Variants in ARMH4 observed in about 807,000 individuals in gnomAD.
The protein encoded by ARMH4 is armadillo like helical domain containing 4.
ARMH4 carries 49 observed loss-of-function variants against 61.9 expected under a neutral mutation model. The observed-to-expected ratio is 0.79, with a 90% CI of 0.63 to 1.00. The LOEUF is 1.00. Among genes scored for constraint, ARMH4 ranks in the 50% least tolerant of loss-of-function variants. The pLI is 0.00. For synonymous variants in ARMH4, 368 were observed against 341.5 expected (o/e 1.08, Z -0.85); for missense variants, 934 against 930.0 (o/e 1.00, Z -0.06).
intron 5 of ARMH4, among the ~76,000 whole-genome samples, chr14:58,054,883 A>AT (rs1555338496): frequency 0.013 from 1,756 of 138,434 alleles, 35 homozygotes; most frequent in Middle Eastern, 0.066. Flanking sequence ...AAAAAAAAAA[A>AT]AATAATAATA....
At chr14:58,039,881 G>A (rs996355776) in intron 5 of ARMH4, among the ~76,000 whole-genome samples, 7 of 152,098 alleles carry the variant, frequency 4.6e-5, no homozygotes, top group African/African-American at 9.7e-5. Flanking sequence ...CAGGAATCAC[G>A]ACAAGTAAAT....
chr14:58,017,276 T>C lies in ARMH4; in HGVS notation c.2090-5126A>G, dbSNP rs190107286. Among the ~76,000 whole-genome samples the C allele has an allele frequency of 2.9e-3, 440 of 152,306 alleles. 1 individual carries two copies. Among genetic ancestry groups the C allele is most frequent in the Non-Finnish European group, 4.5e-3 (307 of 68,034 alleles). ...CTGCGGTGAGCTGTGTTCATGCCAC[T>C]GCACTCCACCCTTGGCAACAGACCA... On this transcript the variant is annotated intron_variant, in intron 5 of 7. Transcript: ENST00000267485.
chr14:58,029,909 T>A (rs929021241), intron 5 of ARMH4, among the ~76,000 whole-genome samples: 1 of 152,176 alleles, frequency 6.6e-6, no homozygotes, highest in Non-Finnish European at 1.5e-5. Context: ...TACACGAATG[T>A]TCATAGCAAC....
chr14:58,083,359 C>G (rs1885287192), intron 5 of ARMH4, among the ~76,000 whole-genome samples: 1 of 152,214 alleles, frequency 6.6e-6, no homozygotes, highest in East Asian at 1.9e-4. Flanking sequence ...GCAGGTAGAT[C>G]ACTTGAGGCC....
chr14:58,046,897 C>A (rs1449508531), intron 5 of ARMH4, among the ~76,000 whole-genome samples: 2 of 152,158 alleles, frequency 1.3e-5, no homozygotes, highest in Admixed American at 1.3e-4. Context: ...ATCCTGATAG[C>A]TCTTTTATAT....
At chr14:58,127,864 T>A (rs1455898386) in intron 4 of ARMH4, among the ~76,000 whole-genome samples, 1 of 151,490 alleles carries the variant, frequency 6.6e-6, no homozygotes, top group African/African-American at 2.4e-5. Context: ...GTGCGGGGGG[T>A]GGGAGGGAGG....
chr14:58,024,091 C>A (rs1195926399), intron 5 of ARMH4, among the ~76,000 whole-genome samples: 1 of 152,190 alleles, frequency 6.6e-6, no homozygotes, highest in Non-Finnish European at 1.5e-5. Flanking sequence ...AACTTAAAGT[C>A]ACCAGTGGCA....
In ARMH4 at chr14:58,042,748, AATG is replaced by A. The variant is rs1378983408; in HGVS notation, c.2090-30601_2090-30599del. ...GAAGAATCAAATAGATGCAATAAAA[AATG>A]ATAAAGGGGGTATCACCACCGATCC... On this transcript the variant is annotated intron_variant, in intron 5 of 7. Transcript: ENST00000267485. 7.9e-5 allele frequency among the ~76,000 whole-genome samples: 12 copies of A among 152,216 alleles called. No individual in the cohort carries two copies. In the East Asian group the frequency reaches 2.1e-3, roughly 27 times the overall value.
intron 5 of ARMH4, among the ~76,000 whole-genome samples, chr14:58,068,566 G>A (rs986331463): frequency 6.6e-6 from 1 of 152,154 alleles, no homozygotes; most frequent in African/African-American, 2.4e-5. Context: ...GGATTTCAGA[G>A]TACCAGGAAA....
In ARMH4 at chr14:58,004,521, C is replaced by T. The variant is rs1487019106; in HGVS notation, c.*215G>A. ...GTAGCCCACGGTTGTGGAAAATTCA[C>T]TACAGAATAAAACCAAATACTGCAT... On this transcript the variant is annotated 3_prime_UTR_variant, in exon 8 of 8. Coordinates refer to ENST00000267485, the MANE Select transcript of ARMH4 (RefSeq NM_001001872.4). 7.1e-6 allele frequency: 3 copies of T among 420,410 alleles called. No homozygotes were observed. The highest frequency in any genetic ancestry group is 1.3e-5 in the Non-Finnish European group (3 of 232,256). 26.0% of individuals were successfully genotyped at this position (420,410 alleles called of 1,614,324 possible).
intron 4 of ARMH4, among the ~76,000 whole-genome samples, chr14:58,106,181 G>A (rs1442064399): frequency 3.3e-5 from 5 of 152,158 alleles, no homozygotes; most frequent in African/African-American, 7.2e-5. Context: ...AGACAGGAAC[G>A]ACGGGCTCCT....
At chr14:58,132,956 G>A in intron 3 of ARMH4, 134 bp downstream of exon 3, 1 of 837,376 alleles carries the variant, frequency 1.2e-6, no homozygotes, top group Non-Finnish European at 1.9e-6. Flanking sequence ...TCCAGGTAAA[G>A]GTGTGTGTGT....
intron 4 of ARMH4, among the ~76,000 whole-genome samples, chr14:58,114,520 G>A (rs889789851): frequency 1.3e-5 from 2 of 152,094 alleles, no homozygotes; most frequent in Non-Finnish European, 2.9e-5. Flanking sequence ...GCTATGTCAA[G>A]ACCCATTAGT....
chr14:58,069,454 A>C (rs1884814571), intron 5 of ARMH4, among the ~76,000 whole-genome samples: 1 of 152,254 alleles, frequency 6.6e-6, no homozygotes, highest in African/African-American at 2.4e-5. Flanking sequence ...TAAACAAGGA[A>C]GTAATAGATT....
chr14:58,052,138 C>A (rs1443461849), intron 5 of ARMH4, among the ~76,000 whole-genome samples: 1 of 152,130 alleles, frequency 6.6e-6, no homozygotes, highest in Non-Finnish European at 1.5e-5. Context: ...GTCCCTCCTT[C>A]GGATTCACTT....
At chr14:58,116,141 T>C (rs1329035535) in intron 4 of ARMH4, 2 of 152,752 alleles carry the variant, frequency 1.3e-5, no homozygotes, top group Admixed American at 6.5e-5. Flanking sequence ...CTCATCGCCA[T>C]GACTTTTTAA....
chr14:58,111,785 T>C (rs1267029717), intron 4 of ARMH4, among the ~76,000 whole-genome samples: 1 of 152,062 alleles, frequency 6.6e-6, no homozygotes, highest in Admixed American at 6.6e-5. Context: ...CTTGAACTCC[T>C]GGGCTCAAGC....
At chr14:58,016,417 T>C (rs1290757804) in intron 5 of ARMH4, among the ~76,000 whole-genome samples, 6 of 152,114 alleles carry the variant, frequency 3.9e-5, no homozygotes, top group Non-Finnish European at 5.9e-5. Context: ...CGTGTAAAAT[T>C]TGAACAATGC....
chr14:58,119,564 C>A (rs1380813483), intron 4 of ARMH4, among the ~76,000 whole-genome samples: 1 of 152,202 alleles, frequency 6.6e-6, no homozygotes, highest in East Asian at 1.9e-4. Context: ...ATGGAAAGCC[C>A]TGCTTGGACC....
Sources: allele counts gnomAD v4.1 joint callset (sites outside exome capture counted in the v4.1 genomes callset), GRCh38; gene constraint gnomAD v4.1.1; transcripts MANE v1.5; gene names NCBI Gene and HGNC (gene_info 2026-07-23, HGNC 2026-07-21).